The following TDRD10 variants were observed in gnomAD, a reference collection of about 807,000 sequenced individuals.
The protein encoded by TDRD10 is tudor domain containing 10, also known as tudor domain-containing protein 10.
TDRD10 carries 40 observed loss-of-function variants against 48.0 expected under a neutral mutation model. The observed-to-expected ratio is 0.83, with a 90% CI of 0.65 to 1.09. TDRD10 has a LOEUF of 1.09. TDRD10 is among the 50% of genes least tolerant of loss of function. TDRD10 has a pLI of 0.00. For missense variants in TDRD10, 378 were observed against 434.7 expected, an observed-to-expected ratio of 0.87 and a Z score of 1.16; for synonymous variants, 162 against 170.4, an observed-to-expected ratio of 0.95 and a Z score of 0.38.
chr1:154,505,740 A>G (rs1693113295), intron 1 of TDRD10, among the ~76,000 whole-genome samples: 1 of 152,106 alleles, frequency 6.6e-6, no homozygotes, highest in Admixed American at 6.6e-5. Context: ...ATCACCTGAT[A>G]TCCTTGAGCT....
intron 4 of TDRD10, among the ~76,000 whole-genome samples, chr1:154,517,876 C>T (rs4845639): frequency 0.59 from 89,797 of 151,976 alleles, 27,130 homozygotes; most frequent in East Asian, 0.76. Flanking sequence ...TACTTAGGTG[C>T]AGGGCATCAG....
chr1:154,542,881 C>T, intron 8 of TDRD10, 60 bp downstream of exon 8: 1 of 1,424,630 alleles, frequency 7.0e-7, no homozygotes, highest in Non-Finnish European at 9.8e-7. Context: ...CCTCTGTCCC[C>T]CAGAGAGTGG....
chr1:154,538,197 A>G (rs1695024097), intron 6 of TDRD10, among the ~76,000 whole-genome samples: 1 of 152,222 alleles, frequency 6.6e-6, no homozygotes, highest in Admixed American at 6.5e-5. Flanking sequence ...TGTATTAATA[A>G]TCATTTTTAG....
intron 8 of TDRD10, 113 bp from the exon 9 acceptor site, chr1:154,543,850 G>A (rs1355793665): frequency 6.8e-7 from 1 of 1,481,386 alleles, no homozygotes; most frequent in Admixed American, 2.1e-5. Flanking sequence ...TCTGCTTAGG[G>A]GACTCATCCC....
At chr1:154,510,252 A>T (rs1693379782) in intron 4 of TDRD10, among the ~76,000 whole-genome samples, 2 of 151,996 alleles carry the variant, frequency 1.3e-5, no homozygotes, top group South Asian at 4.2e-4. Context: ...AAAAAAAAAA[A>T]AAAAAAAATT....
chr1:154,538,550 CA>C (rs59257227), intron 6 of TDRD10, among the ~76,000 whole-genome samples: 27,791 of 56,944 alleles, frequency 0.49, 5,134 homozygotes, highest in East Asian at 0.68. Context: ...AACTCTATCT[CA>C]AAAAAAAAAA....
intron 1 of TDRD10, 43 bp from the exon 2 acceptor site, chr1:154,506,834 A>G (rs1386723053): frequency 6.4e-7 from 1 of 1,560,090 alleles, no homozygotes. Flanking sequence ...ATGATGGTGA[A>G]CTATCCTGGC....
At chr1:154,543,231 TGCCAC>T (rs1695349163) in intron 8 of TDRD10, among the ~76,000 whole-genome samples, 1 of 151,660 alleles carries the variant, frequency 6.6e-6, no homozygotes, top group Non-Finnish European at 1.5e-5. Flanking sequence ...GCCGAGATTG[TGCCAC>T]TGCAGTCCAG....
chr1:154,506,786 CATT>C (rs1354384962), intron 1 of TDRD10, 88 bp from the exon 2 acceptor site: 13 of 1,125,424 alleles, frequency 1.2e-5, no homozygotes, highest in Non-Finnish European at 1.5e-5. Context: ...GTTGGGGAGG[CATT>C]ATTCTGCTTA....
chr1:154,535,369 G>GAAAA (rs112520948), intron 6 of TDRD10, among the ~76,000 whole-genome samples: 2 of 132,882 alleles, frequency 1.5e-5, no homozygotes, highest in African/African-American at 5.6e-5. Context: ...TCCATCTCAA[G>GAAAA]AAAAAAAAAA....
intron 1 of TDRD10, 123 bp from the exon 2 acceptor site, chr1:154,506,754 A>T: frequency 1.2e-6 from 1 of 803,102 alleles, no homozygotes; most frequent in Non-Finnish European, 2.2e-6. Flanking sequence ...GGTTCTAGGG[A>T]TTAGGATGTG....
At chr1:154,532,852 A>G (rs1248973094) in intron 6 of TDRD10, among the ~76,000 whole-genome samples, 1 of 152,140 alleles carries the variant, frequency 6.6e-6, no homozygotes, top group Non-Finnish European at 1.5e-5. Context: ...CTCAGCCTCT[A>G]AGGCGGCAGC....
At chr1:154,541,848 A>T in intron 6 of TDRD10, 176 bp from the exon 7 acceptor site, 1 of 574,792 alleles carries the variant, frequency 1.7e-6, no homozygotes, top group South Asian at 2.6e-5. Context: ...GGGTTGGCTC[A>T]GGATGCCGTG....
At chr1:154,544,768 CTCTG>C (rs760946336) in intron 10 of TDRD10, 23 bp from the exon 11 acceptor site, 3 of 1,610,838 alleles carry the variant, frequency 1.9e-6, no homozygotes, top group Non-Finnish European at 2.5e-6. Context: ...AATGATTGTC[CTCTG>C]TCTTTCTCTT....
At chr1:154,513,617 C>G (rs983379126) in intron 4 of TDRD10, among the ~76,000 whole-genome samples, 1 of 152,066 alleles carries the variant, frequency 6.6e-6, no homozygotes, top group Non-Finnish European at 1.5e-5. Context: ...ATGAGATAAC[C>G]AGATATGAGC....
In TDRD10 at chr1:154,547,667, T is replaced by G; in HGVS notation, c.1024-11T>G. On this transcript the variant is annotated splice_polypyrimidine_tract_variant and intron_variant, in intron 12 of 12. Transcript: ENST00000368482. ...CTTCCTTCCCACCAAGGCTTTGTCT[T>G]TCTCTTCCAGTTGCACATCCTAAAG... 2 of 1,614,182 alleles carry G rather than the reference T, an allele frequency of 1.2e-6. No individual in the cohort carries two copies. The highest frequency in any genetic ancestry group is 1.7e-6 in the Non-Finnish European group (2 of 1,179,996).
chr1:154,531,703 G>C (rs995284831), intron 6 of TDRD10, among the ~76,000 whole-genome samples: 15 of 152,184 alleles, frequency 9.9e-5, no homozygotes, highest in Non-Finnish European at 4.4e-5. Context: ...GTGCGTAAGG[G>C]GACCCGAGTG....
rs549648762 is a variant in TDRD10 at position 154,502,844 on chromosome 1, C to G, written c.-213C>G. The G allele has an allele frequency of 6.6e-6, 1 of 152,328 alleles. No individual in the cohort carries two copies. Among genetic ancestry groups the G allele is most frequent in the South Asian group, 2.1e-4 (1 of 4,828 alleles). 9.4% of individuals were successfully genotyped at this position (152,328 alleles called of 1,614,324 possible). ...ACGGTCGCCAGCTCCTGCGCTAGTT[C>G]CGTTACTCTTCGGTGGCACACGGTC... On this transcript the variant is annotated 5_prime_UTR_variant, in exon 1 of 13. Transcript: ENST00000368482.
chr1:154,541,234 AGCGGGAGGGAGCAG>A (rs1402197068), intron 6 of TDRD10, among the ~76,000 whole-genome samples: 12 of 124,096 alleles, frequency 9.7e-5, no homozygotes, highest in Non-Finnish European at 4.9e-5. Flanking sequence ...CTTGAGCCAG[AGCGGGAGGGAGCAG>A]GTCCATGCAG....
Sources: allele counts gnomAD v4.1 joint callset (sites outside exome capture counted in the v4.1 genomes callset), GRCh38; gene constraint gnomAD v4.1.1; transcripts MANE v1.5; gene names NCBI Gene and HGNC (gene_info 2026-07-23, HGNC 2026-07-21).